Variants in TUSC3 observed in about 807,000 individuals in gnomAD.
The protein encoded by TUSC3 is tumor suppressor candidate 3, also known as dolichyl-diphosphooligosaccharide--protein glycosyltransferase subunit TUSC3.
A neutral mutation model predicts 44.8 loss-of-function variants in TUSC3; 45 were observed. The observed-to-expected ratio is 1.00, with a 90% CI of 0.79 to 1.29. The LOEUF (loss-of-function observed/expected upper bound fraction) is 1.29, where lower values mean the gene tolerates loss of function less well. TUSC3 is among the 50% of genes most tolerant of loss of function. The pLI is 0.00. For missense variants in TUSC3, 519 were observed against 437.9 expected (o/e 1.19, Z -1.65); for synonymous variants, 212 against 152.9 (o/e 1.39, Z -2.85).
intron 6 of TUSC3, among the ~76,000 whole-genome samples, chr8:15,694,988 G>A (rs1047562507): frequency 2.0e-5 from 3 of 152,212 alleles, no homozygotes; most frequent in Non-Finnish European, 2.9e-5. Flanking sequence ...ATCCAAGCAT[G>A]TGTTTGCACC....
chr8:15,693,570 G>T (rs1363060750), intron 6 of TUSC3, among the ~76,000 whole-genome samples: 1 of 148,442 alleles, frequency 6.7e-6, no homozygotes, highest in Non-Finnish European at 1.5e-5. Context: ...CTTTTCTCTA[G>T]CTGCCTTAGC....
chr8:15,441,376 C>G (rs1266966728), intron 1 of TUSC3, among the ~76,000 whole-genome samples: 1 of 152,164 alleles, frequency 6.6e-6, no homozygotes, highest in African/African-American at 2.4e-5. Context: ...CACTGCACTC[C>G]AGGCTGGGTG....
intron 1 of TUSC3, among the ~76,000 whole-genome samples, chr8:15,576,456 C>T (rs1397225045): frequency 2.7e-5 from 3 of 110,078 alleles, no homozygotes; most frequent in Non-Finnish European, 5.5e-5. Flanking sequence ...GCTATCCCTC[C>T]CCCCCTCCCC....
chr8:15,581,840 C>G (rs1181198513), intron 1 of TUSC3, among the ~76,000 whole-genome samples: 1 of 120,238 alleles, frequency 8.3e-6, no homozygotes, highest in African/African-American at 3.9e-5. Flanking sequence ...CTGTGGTGGG[C>G]TCCACCCAGT....
intron 2 of TUSC3, among the ~76,000 whole-genome samples, chr8:15,632,170 A>C (rs986963951): frequency 6.6e-6 from 1 of 152,144 alleles, no homozygotes; most frequent in Non-Finnish European, 1.5e-5. Context: ...GATCCATTTG[A>C]GGTTCATCTG....
chr8:15,547,489 T>C (rs1801909492), intron 1 of TUSC3, among the ~76,000 whole-genome samples: 1 of 151,622 alleles, frequency 6.6e-6, no homozygotes, highest in Non-Finnish European at 1.5e-5. Flanking sequence ...CTGAATTTAA[T>C]GAACTTGGTG....
intron 4 of TUSC3, among the ~76,000 whole-genome samples, 164 bp from the exon 5 acceptor site, chr8:15,661,992 G>A (rs1271412965): frequency 1.3e-5 from 2 of 151,920 alleles, no homozygotes; most frequent in Non-Finnish European, 2.9e-5. Context: ...ATGTCTTAAG[G>A]CATATATCTT....
chr8:15,481,705 T>G (rs1467473611), intron 1 of TUSC3, among the ~76,000 whole-genome samples: 2 of 152,164 alleles, frequency 1.3e-5, no homozygotes, highest in Non-Finnish European at 2.9e-5. Context: ...TGAAAAACAA[T>G]GTACATACCT....
intron 6 of TUSC3, among the ~76,000 whole-genome samples, chr8:15,692,084 G>A (rs1053328380): frequency 6.6e-6 from 1 of 152,072 alleles, no homozygotes; most frequent in Non-Finnish European, 1.5e-5. Flanking sequence ...CCTGGCACAT[G>A]TGGTTTGTTT....
At chr8:15,806,224 T>A in the TUSC3 span, 1 of 538,046 alleles carries the variant, frequency 1.9e-6, no homozygotes, top group South Asian at 1.8e-5. Context: ...ATGGCTTCAA[T>A]AACATTTTGC....
intron 2 of TUSC3, among the ~76,000 whole-genome samples, chr8:15,644,980 G>A (rs971203093): frequency 3.3e-5 from 5 of 152,126 alleles, no homozygotes; most frequent in Non-Finnish European, 7.4e-5. Context: ...TTTGCTGGAT[G>A]TTATGGCTTG....
chr8:15,835,122 T>C, the TUSC3 span, among the ~76,000 whole-genome samples: 1 of 152,220 alleles, frequency 6.6e-6, no homozygotes, highest in Admixed American at 6.5e-5. Context: ...TAACTTTTAA[T>C]TTTTCTTTTA....
chr8:15,716,808 A>G (rs1245082286), intron 6 of TUSC3, among the ~76,000 whole-genome samples: 29 of 152,138 alleles, frequency 1.9e-4, no homozygotes, highest in Admixed American at 1.9e-3. Context: ...AGTTATTTAA[A>G]TCATCACTTT....
chr8:15,628,970 T>G (rs1805637834), intron 2 of TUSC3, among the ~76,000 whole-genome samples: 1 of 152,186 alleles, frequency 6.6e-6, no homozygotes, highest in Admixed American at 6.5e-5. Context: ...GTTGACAAAC[T>G]GGTTGTGATA....
At chr8:15,457,698 A>G (rs1014834818) in intron 1 of TUSC3, among the ~76,000 whole-genome samples, 1 of 149,462 alleles carries the variant, frequency 6.7e-6, no homozygotes, top group African/African-American at 2.4e-5. Flanking sequence ...AAAATAAAAT[A>G]ATTTATTAGA....
At chr8:15,632,289 ACTTGC>A (rs1805807905) in intron 2 of TUSC3, among the ~76,000 whole-genome samples, 2 of 152,016 alleles carry the variant, frequency 1.3e-5, no homozygotes, top group Admixed American at 1.3e-4. Context: ...AATCCAAGCA[ACTTGC>A]CTTTTATAGT....
At chr8:15,463,828 G>GT in intron 1 of TUSC3, among the ~76,000 whole-genome samples, 1 of 152,168 alleles carries the variant, frequency 6.6e-6, no homozygotes, top group East Asian at 1.9e-4. Context: ...TCATTTCTGA[G>GT]TACCCCAGAA....
intron 8 of TUSC3, 143 bp from the exon 9 acceptor site, chr8:15,748,232 C>G (rs1811507353): frequency 1.4e-6 from 1 of 698,740 alleles, no homozygotes; most frequent in East Asian, 2.6e-5. Flanking sequence ...ATACCTGTAT[C>G]CAAATACCTG....
chr8:15,826,496 C>G, the TUSC3 span, among the ~76,000 whole-genome samples: 1 of 152,136 alleles, frequency 6.6e-6, no homozygotes, highest in Non-Finnish European at 1.5e-5. Context: ...TTAGAGAAAA[C>G]ACTACTCACC....
Sources: gnomAD v4.1 joint callset for allele counts (sites outside exome capture counted in the v4.1 genomes callset) on GRCh38, gnomAD v4.1.1 for gene constraint, MANE v1.5 for transcripts, NCBI Gene and HGNC (gene_info 2026-07-23, HGNC 2026-07-21) for gene names.